Variants in TUBB8 observed in about 807,000 individuals in gnomAD.
TUBB8 encodes the protein tubulin beta-8 chain.
Under a neutral mutation model 33.7 loss-of-function variants are expected in TUBB8, and 25 were observed. The ratio of observed to expected loss-of-function variants is 0.74; its 90% CI spans 0.54 to 1.04. The LOEUF (loss-of-function observed/expected upper bound fraction) is 1.04, where lower values mean the gene tolerates loss of function less well. Ranked by LOEUF, TUBB8 falls within the 50% of genes least tolerant of loss-of-function variation. TUBB8 has a pLI of 0.00. For missense variants in TUBB8, 279 were observed against 608.0 expected, an observed-to-expected ratio of 0.46 and a Z score of 5.69; for synonymous variants, 245 against 240.1, an observed-to-expected ratio of 1.02 and a Z score of -0.19.
intron 1 of TUBB8, among the ~76,000 whole-genome samples, chr10:55,998 T>A (rs1834525722): frequency 6.6e-6 from 1 of 152,166 alleles, no homozygotes; most frequent in South Asian, 2.1e-4. Context: ...ATATTTCAGA[T>A]TTTTTTTCTA....
At chr10:57,448 C>T (rs1367310381) in intron 1 of TUBB8, among the ~76,000 whole-genome samples, 4 of 152,248 alleles carry the variant, frequency 2.6e-5, no homozygotes, top group East Asian at 1.9e-4. Flanking sequence ...CATGCTTCTG[C>T]CTGCACACCC....
intron 1 of TUBB8, among the ~76,000 whole-genome samples, chr10:67,424 T>C (rs1554741746): frequency 6.6e-6 from 1 of 152,200 alleles, no homozygotes; most frequent in Non-Finnish European, 1.5e-5. Context: ...TATTTTGTTG[T>C]TGTTTTTTGT....
intron 1 of TUBB8, among the ~76,000 whole-genome samples, chr10:67,734 A>C (rs1390305868): frequency 6.6e-6 from 1 of 152,182 alleles, no homozygotes; most frequent in Admixed American, 6.5e-5. Context: ...CTCATGTACA[A>C]GTCTTGTACC....
chr10:49,617 T>C (rs567508426), upstream of TUBB8: 89 of 496,048 alleles, frequency 1.8e-4, 1 homozygote, highest in East Asian at 1.4e-3. Flanking sequence ...GCACCTGTCC[T>C]AGATTGATGA....
chr10:57,949 C>T (rs1554740404), intron 1 of TUBB8, among the ~76,000 whole-genome samples: 1 of 152,170 alleles, frequency 6.6e-6, no homozygotes, highest in East Asian at 1.9e-4. Context: ...CCCTATGCTT[C>T]CCTTGCAAGT....
chr10:61,499 G>A (rs1834600994), intron 1 of TUBB8, among the ~76,000 whole-genome samples: 1 of 152,130 alleles, frequency 6.6e-6, no homozygotes, highest in Non-Finnish European at 1.5e-5. Flanking sequence ...TTTTTTTAAT[G>A]TTTTTAGACT....
At chr10:66,162 G>C (rs1209256098) in intron 1 of TUBB8, among the ~76,000 whole-genome samples, 3 of 152,220 alleles carry the variant, frequency 2.0e-5, no homozygotes. Context: ...AAGAAGTAAA[G>C]AGAACTTATA....
intron 1 of TUBB8, among the ~76,000 whole-genome samples, chr10:70,220 T>C (rs1160486880): frequency 6.6e-6 from 1 of 152,126 alleles, no homozygotes; most frequent in Non-Finnish European, 1.5e-5. Flanking sequence ...TTCCCTCAAT[T>C]GAAAACAAGA....
rs145350711 is a variant in TUBB8 at position 48,622 on chromosome 10, G to A, written c.270C>T (p.Phe90=). Reference sequence around the variant, plus strand: ...TCCTCGCCCGCAGCTCACCGAAGATGAAGTTGTCTGGCCTGAAGACCTGCC... The same window carrying A: ...TCCTCGCCCGCAGCTCACCGAAGATAAAGTTGTCTGGCCTGAAGACCTGCC... ...PFGQVFRPDN[F]IFGQCGAGNN... Residue 90 remains phenylalanine, a synonymous_variant, in exon 3 of 4, where the codon TTC becomes TTT. Transcript: ENST00000568584. The A allele has an allele frequency of 1.2e-4, 193 of 1,612,280 alleles. 2 individuals are homozygous for A. In the African/African-American group the frequency reaches 2.5e-3, roughly 20 times the overall value.
At chr10:71,175 C>T (rs2130952381) in intron 1 of TUBB8, among the ~76,000 whole-genome samples, 1 of 152,154 alleles carries the variant, frequency 6.6e-6, no homozygotes, top group East Asian at 1.9e-4. Flanking sequence ...ATTACCCAGG[C>T]ATCATGGCAC....
chr10:58,931 G>A (rs1194251290), intron 1 of TUBB8, among the ~76,000 whole-genome samples: 3 of 152,092 alleles, frequency 2.0e-5, no homozygotes, highest in Admixed American at 6.5e-5. Flanking sequence ...TCTCTTGTCT[G>A]ATTGCTCCAG....
At position 55,272 on chromosome 10, in the gene TUBB8, G is replaced by C. The variant is rs1263762198; in HGVS notation, c.-845-5039C>G. On this transcript the variant is annotated intron_variant, in intron 1 of 3. Transcript: ENST00000564130. ...CACTCATTGTCAGAAGAACAACCTG[G>C]AGGGAACCAACCCCATGATCCAATC... Among the ~76,000 whole-genome samples, 6 of 152,150 alleles carry C rather than the reference G, an allele frequency of 3.9e-5. No individual in the cohort carries two copies. In the East Asian group the frequency reaches 1.2e-3, roughly 29 times the overall value.
chr10:66,181 G>A (rs1281393001), intron 1 of TUBB8, among the ~76,000 whole-genome samples: 1 of 152,168 alleles, frequency 6.6e-6, no homozygotes, highest in Non-Finnish European at 1.5e-5. Flanking sequence ...TATGTGTTAG[G>A]AAACAGTACA....
At chr10:46,863 C>T, downstream of TUBB8, 1 of 480,364 alleles carries the variant, frequency 2.1e-6, no homozygotes, top group Non-Finnish European at 3.7e-6. Context: ...CCAGAGGGCC[C>T]ATAGAAAGAA....
chr10:51,250 A>C (rs1457968156), upstream of TUBB8, among the ~76,000 whole-genome samples: 1 of 152,082 alleles, frequency 6.6e-6, no homozygotes, highest in Admixed American at 6.5e-5. Context: ...CTGGGATTAC[A>C]GGCGCCCACC....
chr10:55,180 G>A (rs1474661061), intron 1 of TUBB8, among the ~76,000 whole-genome samples: 10 of 152,304 alleles, frequency 6.6e-5, no homozygotes, highest in South Asian at 2.1e-4. Context: ...GACAGCAGGC[G>A]AGAGAGCATA....
At chr10:72,385 C>G (rs2130953573) in intron 1 of TUBB8, among the ~76,000 whole-genome samples, 1 of 151,902 alleles carries the variant, frequency 6.6e-6, no homozygotes, top group African/African-American at 2.4e-5. Context: ...ATGGTGAAAC[C>G]CCACCTCTAT....
chr10:74,866 AT>A (rs573408150), upstream of TUBB8, among the ~76,000 whole-genome samples: 1,105 of 115,642 alleles, frequency 9.6e-3, 6 homozygotes, highest in East Asian at 0.03. Context: ...GTCTGTGCCA[AT>A]TTTTTTTTTT....
chr10:75,134 CAA>C (rs1252032766), upstream of TUBB8, among the ~76,000 whole-genome samples: 1 of 150,480 alleles, frequency 6.6e-6, no homozygotes, highest in African/African-American at 2.4e-5. Context: ...CAAGGCCTCC[CAA>C]AGTCATTCAC....
Sources: allele counts gnomAD v4.1 joint callset (sites outside exome capture counted in the v4.1 genomes callset), GRCh38; gene constraint gnomAD v4.1.1; transcripts MANE v1.5; gene names NCBI Gene and HGNC (gene_info 2026-07-23, HGNC 2026-07-21).